The following EMB variants were observed in gnomAD, a reference collection of about 807,000 sequenced individuals.
EMB encodes the protein embigin homolog.
In EMB, 31 loss-of-function variants were observed where a neutral mutation model predicts 41.4. The ratio of observed to expected loss-of-function variants is 0.75; its 90% CI spans 0.56 to 1.01. The LOEUF (loss-of-function observed/expected upper bound fraction) is 1.01. Ranked by LOEUF, EMB falls within the 50% of genes least tolerant of loss-of-function variation. The pLI is 0.00. For missense variants in EMB, 379 were observed against 388.3 expected (o/e 0.98, Z 0.20); for synonymous variants, 137 against 140.4 (o/e 0.98, Z 0.17).
intron 2 of EMB, among the ~76,000 whole-genome samples, chr5:50,412,239 AC>A (rs1254879905): frequency 2.7e-5 from 3 of 112,932 alleles, no homozygotes; most frequent in African/African-American, 1.0e-4. Context: ...ACACACACAC[AC>A]CACACACACA....
At chr5:50,418,081 C>T (rs534952494) in intron 2 of EMB, among the ~76,000 whole-genome samples, 1 of 152,286 alleles carries the variant, frequency 6.6e-6, no homozygotes, top group African/African-American at 2.4e-5. Context: ...TTGCATGTCT[C>T]TTGTTTCAAC....
chr5:50,434,634 AT>A (rs1301140590), intron 1 of EMB, among the ~76,000 whole-genome samples: 1 of 152,232 alleles, frequency 6.6e-6, no homozygotes, highest in Admixed American at 6.5e-5. Context: ...TCTCAGAAGT[AT>A]ATAATTGCAA....
In EMB at chr5:50,428,437, C is replaced by T. The variant is rs190523073; in HGVS notation, c.113-210G>A. 14 of 1,189,806 alleles carry T rather than the reference C, an allele frequency of 1.2e-5. No individual in the cohort carries two copies. The East Asian group carries it at 4.8e-4, about 41-fold the overall frequency. 73.7% of individuals were successfully genotyped at this position (1,189,806 alleles called of 1,614,324 possible). ...ATTCTGATTTTTTTTCTTTTTTAACCTAAAAATCCCTACTGACTTACATCA... is the reference window on the plus strand; with the variant it reads ...ATTCTGATTTTTTTTCTTTTTTAACTTAAAAATCCCTACTGACTTACATCA... On this transcript the variant is annotated intron_variant, in intron 1 of 8. Transcript: ENST00000303221.
At chr5:50,429,153 C>T (rs1002059182) in intron 1 of EMB, among the ~76,000 whole-genome samples, 5 of 152,150 alleles carry the variant, frequency 3.3e-5, no homozygotes, top group Admixed American at 6.5e-5. Flanking sequence ...CTCGGCCTCC[C>T]GAAGTACTGG....
chr5:50,405,496 C>A (rs1259765641), intron 5 of EMB, among the ~76,000 whole-genome samples: 1 of 151,846 alleles, frequency 6.6e-6, no homozygotes, highest in Non-Finnish European at 1.5e-5. Flanking sequence ...AACAAACTAC[C>A]AGCTAATGAA....
chr5:50,433,047 C>T (rs1290757139), intron 1 of EMB, among the ~76,000 whole-genome samples: 1 of 151,702 alleles, frequency 6.6e-6, no homozygotes, highest in Non-Finnish European at 1.5e-5. Flanking sequence ...CACTGCACTC[C>T]AGCCTGGATG....
At chr5:50,440,308 C>G (rs564782399) in intron 1 of EMB, among the ~76,000 whole-genome samples, 1 of 151,946 alleles carries the variant, frequency 6.6e-6, no homozygotes, top group African/African-American at 2.4e-5. Context: ...CCGAAGCGGG[C>G]GGATCACCTC....
chr5:50,402,677 C>T (rs541382174), intron 6 of EMB, among the ~76,000 whole-genome samples: 12 of 151,652 alleles, frequency 7.9e-5, no homozygotes, highest in Non-Finnish European at 1.3e-4. Flanking sequence ...AGGCACAGGC[C>T]GCAAAAATAG....
chr5:50,415,770 C>A (rs528046724), intron 2 of EMB, among the ~76,000 whole-genome samples: 6 of 152,074 alleles, frequency 3.9e-5, no homozygotes, highest in Non-Finnish European at 7.4e-5. Flanking sequence ...ATATTAAATT[C>A]TCATTACAAT....
intron 4 of EMB, among the ~76,000 whole-genome samples, chr5:50,406,886 G>A (rs1745257991): frequency 6.6e-6 from 1 of 151,888 alleles, no homozygotes; most frequent in Non-Finnish European, 1.5e-5. Context: ...TTGGAGCTTG[G>A]CTAAAATAGG....
intron 2 of EMB, among the ~76,000 whole-genome samples, chr5:50,418,799 A>G (rs556900563): frequency 6.6e-6 from 1 of 152,158 alleles, no homozygotes; most frequent in Non-Finnish European, 1.5e-5. Context: ...CAGTTTTCTC[A>G]TCAATTCTGC....
At position 50,421,625 on chromosome 5, in the gene EMB, G is replaced by A. The variant is rs187581546; in HGVS notation, c.196+6519C>T. On this transcript the variant is annotated intron_variant, in intron 2 of 8. Transcript: ENST00000303221. ...GTTTATTGTGGCACTATTCACAATA[G>A]CAAAGACTTAGAACCAACCCAAATG... 1.4e-3 allele frequency among the ~76,000 whole-genome samples: 209 copies of A among 152,004 alleles called. 1 individual carries two copies. The highest frequency in any genetic ancestry group is 2.9e-3 in the Admixed American group (45 of 15,274).
At chr5:50,406,511 A>T (rs1413928262) in intron 4 of EMB, among the ~76,000 whole-genome samples, 2 of 151,876 alleles carry the variant, frequency 1.3e-5, no homozygotes, top group Non-Finnish European at 2.9e-5. Context: ...ATGAGCACTG[A>T]ATTTAGAAAA....
chr5:50,411,232 G>A lies in EMB; in HGVS notation c.348C>T (p.Val116=). ...TATACAAGGTGCTTCCTGTTGCACTGACAAGATAATTATTCTCAAGTTGTT... is the reference window on the plus strand; with the variant it reads ...TATACAAGGTGCTTCCTGTTGCACTAACAAGATAATTATTCTCAAGTTGTT... ...DGEQLENNYL[V]SATGSTLYTQ... The change falls in exon 3 of 9, where the codon GTC becomes GTT. Residue 116 remains valine (V), a synonymous_variant. Transcript: ENST00000303221. The A allele has an allele frequency of 1.9e-6, 3 of 1,612,564 alleles. No individual in the cohort carries two copies. The highest frequency in any genetic ancestry group is 2.2e-5 in the East Asian group (1 of 44,752).
rs1473423735 is a variant in EMB at position 50,410,865 on chromosome 5, A to G, written c.472+12T>C. On this transcript the variant is annotated intron_variant, in intron 4 of 8. Coordinates refer to ENST00000303221, the MANE Select transcript of EMB (RefSeq NM_198449.3). ...GAAGTTATTAACTATTCCTCAAGTT[A>G]TTAATACTGACCTTTGAAATTAAAT... is the stretch of plus-strand genomic sequence containing the variant. 10 of 1,517,222 alleles carry G rather than the reference A, an allele frequency of 6.6e-6. No homozygotes were observed. Among genetic ancestry groups the G allele is most frequent in the South Asian group, 1.2e-5 (1 of 83,400 alleles). The allele number at this position is 1,517,222 out of a possible 1,614,324, so 94.0% of individuals were successfully genotyped here.
At chr5:50,430,593 T>C (rs2663076) in intron 1 of EMB, among the ~76,000 whole-genome samples, 84,295 of 151,660 alleles carry the variant, frequency 0.56, 25,806 homozygotes, top group African/African-American at 0.83. Context: ...GGGGTTTGGG[T>C]CCATAATTTG....
chr5:50,413,589 T>C (rs1299128618), intron 2 of EMB, among the ~76,000 whole-genome samples: 1 of 151,322 alleles, frequency 6.6e-6, no homozygotes, highest in Admixed American at 6.6e-5. Context: ...TCTTTCTTTT[T>C]TTTTTTTTTG....
chr5:50,403,087 A>G (rs531847643), intron 6 of EMB, 91 bp downstream of exon 6: 1 of 1,227,700 alleles, frequency 8.1e-7, no homozygotes, highest in African/African-American at 1.5e-5. Flanking sequence ...GCAATGTATC[A>G]AATCATAATC....
Position 50,428,187 on chromosome 5 carries a change from C to T in EMB, c.153G>A (p.Met51Ile), listed in dbSNP as rs1185694337. The change falls in exon 2 of 9, where the codon ATG becomes ATA. Residue 51 changes from methionine (M) to isoleucine (I), a missense_variant. Coordinates refer to ENST00000303221, the MANE Select transcript of EMB (RefSeq NM_198449.3). ...GACTCTCCAAGGAAAAGTTATTTGC[C>T]ATTATTTCTTCTCTGAGAGGTGGAC... The part of the protein sequence containing the change: ...FTSPPLREEI[M>I]ANNFSLESHN... The T allele has an allele frequency of 6.2e-7, 1 of 1,612,092 alleles. No homozygotes were observed. Among genetic ancestry groups the T allele is most frequent in the Admixed American group, 1.7e-5 (1 of 59,952 alleles).
Sources: allele counts gnomAD v4.1 joint callset (sites outside exome capture counted in the v4.1 genomes callset), GRCh38; gene constraint gnomAD v4.1.1; transcripts MANE v1.5; gene names NCBI Gene and HGNC (gene_info 2026-07-23, HGNC 2026-07-21).